The following TNR variants were observed in gnomAD, a reference collection of about 807,000 sequenced individuals.
TNR encodes the protein tenascin R, also known as tenascin-R.
In TNR, 45 loss-of-function variants were observed where a neutral mutation model predicts 150.4. The ratio of observed to expected loss-of-function variants is 0.30; its 90% CI spans 0.24 to 0.38. The LOEUF (loss-of-function observed/expected upper bound fraction) is 0.38, where lower values mean the gene tolerates loss of function less well. TNR is among the 10% of genes least tolerant of loss of function. The probability of loss-of-function intolerance (pLI) is 1.00; values close to 1 mark genes in which losing one functional copy is unlikely to be tolerated. For missense variants in TNR, 1,544 were observed against 1,759.1 expected (o/e 0.88, Z 2.19); for synonymous variants, 687 against 678.4 (o/e 1.01, Z -0.20).
At chr1:175,536,505 A>T (rs775784444) in intron 1 of TNR, among the ~76,000 whole-genome samples, 1 of 152,250 alleles carries the variant, frequency 6.6e-6, no homozygotes, top group Non-Finnish European at 1.5e-5. Flanking sequence ...AACTTGCTCA[A>T]GGTCACTGAA....
rs1211224556 is a variant in TNR, at chr1:175,321,526, A to C, written c.*1831T>G. On this transcript the variant is annotated 3_prime_UTR_variant, in exon 23 of 23. Coordinates refer to ENST00000367674, the MANE Select transcript of TNR (RefSeq NM_003285.3). ...CAGAAAATGGTGCTGGGCCTTGAGG[A>C]ATGGGAGAGGAAAGGGAGAAGACAG... 2 of 152,528 alleles carry C rather than the reference A, an allele frequency of 1.3e-5. No homozygotes were observed. Among genetic ancestry groups the C allele is most frequent in the Non-Finnish European group, 2.9e-5 (2 of 68,174 alleles). The allele number at this position is 152,528 out of a possible 1,614,324, so 9.4% of individuals were successfully genotyped here.
chr1:175,434,311 C>T (rs143231673), intron 2 of TNR, among the ~76,000 whole-genome samples: 22 of 152,204 alleles, frequency 1.4e-4, no homozygotes, highest in Non-Finnish European at 2.5e-4. Context: ...AATTCCTTCC[C>T]TGGGCCTGAT....
chr1:175,406,593 T>A lies in TNR; in HGVS notation c.122A>T (p.Gln41Leu). The A allele has an allele frequency of 6.2e-7, 1 of 1,614,244 alleles. No individual in the cohort carries two copies. Among genetic ancestry groups the A allele is most frequent in the Non-Finnish European group, 8.5e-7 (1 of 1,180,048 alleles). Residue 41 changes from glutamine (Q) to leucine (L), a missense_variant, in exon 3 of 23, where the codon CAG (glutamine) becomes CTG (leucine). This residue lies in a region of TNR where 1,254 missense variants were observed against 1,329.4 expected (regional missense o/e 0.94). Coordinates refer to ENST00000367674, the MANE Select transcript of TNR (RefSeq NM_003285.3). The stretch of plus-strand genomic sequence containing the variant: ...TCCCTCCTCCTCCACTGACTGTCTC[T>A]GGACCCTTTCTGTGGTGACCTCCAG... ...CQLEVTTERVQRQSVEEEGGI... is the reference protein window; with the variant it reads ...CQLEVTTERVLRQSVEEEGGI...
At chr1:175,401,916 C>T (rs1457305537) in intron 4 of TNR, among the ~76,000 whole-genome samples, 4 of 152,340 alleles carry the variant, frequency 2.6e-5, no homozygotes, top group African/African-American at 9.6e-5. Flanking sequence ...TTAATCTGTA[C>T]TGTTTAAAAC....
At chr1:175,585,068 T>C (rs759756231) in intron 1 of TNR, among the ~76,000 whole-genome samples, 2 of 152,234 alleles carry the variant, frequency 1.3e-5, no homozygotes, top group Admixed American at 6.5e-5. Flanking sequence ...GTGTTGATGA[T>C]GTGCAGGCAC....
intron 1 of TNR, among the ~76,000 whole-genome samples, chr1:175,719,498 A>C (rs1395934808): frequency 6.6e-6 from 1 of 152,222 alleles, no homozygotes; most frequent in African/African-American, 2.4e-5. Flanking sequence ...CATCTCCCTC[A>C]GTTTTCCAAT....
intron 1 of TNR, among the ~76,000 whole-genome samples, chr1:175,563,484 T>C (rs950952680): frequency 2.6e-5 from 4 of 152,200 alleles, no homozygotes; most frequent in African/African-American, 9.6e-5. Flanking sequence ...ACACACCAGT[T>C]ACTAGCCTTG....
intron 8 of TNR, among the ~76,000 whole-genome samples, chr1:175,381,063 A>G (rs1370310392): frequency 6.6e-6 from 1 of 152,192 alleles, no homozygotes; most frequent in Admixed American, 6.5e-5. Context: ...TGTTTTCCTG[A>G]GAAATTCTTC....
intron 1 of TNR, among the ~76,000 whole-genome samples, chr1:175,561,418 C>T (rs1249712173): frequency 6.6e-6 from 1 of 152,192 alleles, no homozygotes; most frequent in Non-Finnish European, 1.5e-5. Flanking sequence ...CCAGCCCCAC[C>T]TCCTATGATT....
At chr1:175,400,805 A>T (rs1460451664) in intron 4 of TNR, among the ~76,000 whole-genome samples, 1 of 152,176 alleles carries the variant, frequency 6.6e-6, no homozygotes, top group Non-Finnish European at 1.5e-5. Flanking sequence ...AACGTCAAAC[A>T]GTGGATAAAT....
At chr1:175,554,508 T>C (rs1661072286) in intron 1 of TNR, among the ~76,000 whole-genome samples, 4 of 152,220 alleles carry the variant, frequency 2.6e-5, no homozygotes. Flanking sequence ...TTCTATTTGT[T>C]TGGAAATCAT....
At chr1:175,488,700 G>A (rs900593031) in intron 2 of TNR, among the ~76,000 whole-genome samples, 2 of 152,220 alleles carry the variant, frequency 1.3e-5, no homozygotes, top group Non-Finnish European at 2.9e-5. Context: ...CTATGGGCTA[G>A]TGCACATGTC....
intron 1 of TNR, among the ~76,000 whole-genome samples, chr1:175,553,582 C>T (rs370788716): frequency 6.6e-6 from 1 of 152,214 alleles, no homozygotes; most frequent in East Asian, 1.9e-4. Flanking sequence ...CACTTCTTCC[C>T]TTGTTTCTAA....
chr1:175,529,352 A>G (rs1016579800), intron 1 of TNR, among the ~76,000 whole-genome samples: 2 of 152,230 alleles, frequency 1.3e-5, no homozygotes, highest in African/African-American at 4.8e-5. Flanking sequence ...GAATAAATTA[A>G]CCTTCCCTGG....
At position 175,324,370 on chromosome 1, in the gene TNR, A is replaced by T. The variant is rs1649236567; in HGVS notation, c.3943T>A (p.Ser1315Thr). The change falls in exon 22 of 23, where the codon TCC (serine) becomes ACC (threonine). Residue 1315 changes from serine (S) to threonine (T), a missense_variant. This residue lies in a region of TNR where 290 missense variants were observed against 429.7 expected (regional missense o/e 0.67). Transcript: ENST00000367674. Reference protein sequence around the residue: ...RTNLNGKYGESRHSQGINWYH... With the variant: ...RTNLNGKYGETRHSQGINWYH... Reference sequence around the variant, plus strand: ...GCATCGCTTACCTGACTGTGCCTGGACTCCCCGTACTTCCCATTGAGGTTG... The same window carrying T: ...GCATCGCTTACCTGACTGTGCCTGGTCTCCCCGTACTTCCCATTGAGGTTG... 6 of 1,613,444 alleles carry T rather than the reference A, an allele frequency of 3.7e-6. No individual in the cohort carries two copies. In the East Asian group the frequency reaches 1.1e-4, roughly 30 times the overall value.
chr1:175,511,611 T>C (rs74127318), intron 2 of TNR, among the ~76,000 whole-genome samples: 4,293 of 152,286 alleles, frequency 0.028, 91 homozygotes, highest in African/African-American at 0.057. Context: ...CAAGCACATC[T>C]TGCAGTGAGA....
chr1:175,493,721 G>C lies in TNR; in HGVS notation c.-64+34548C>G, dbSNP rs191077348. ...CCTTTCCTCCTGGGGACACTAAGGT[G>C]GGGGGTAGTGGTCCTGGCCCCAAGC... On this transcript the variant is annotated intron_variant, in intron 2 of 22. Coordinates refer to ENST00000367674, the MANE Select transcript of TNR (RefSeq NM_003285.3). Among the ~76,000 whole-genome samples the C allele has an allele frequency of 3.3e-3, 506 of 152,318 alleles. 2 individuals are homozygous for C. The highest frequency in any genetic ancestry group is 0.012 in the African/African-American group (482 of 41,568).
intron 2 of TNR, among the ~76,000 whole-genome samples, chr1:175,475,785 C>T (rs577516459): frequency 1.2e-4 from 18 of 152,018 alleles, no homozygotes; most frequent in African/African-American, 3.1e-4. Flanking sequence ...AAAAAAAACT[C>T]ATTCTTACCC....
intron 1 of TNR, among the ~76,000 whole-genome samples, chr1:175,689,878 C>T (rs1215841709): frequency 1.3e-5 from 2 of 152,138 alleles, no homozygotes; most frequent in Admixed American, 6.5e-5. Flanking sequence ...CCTCGGTTTC[C>T]GTTACTACCC....
Sources: gnomAD v4.1 joint callset for allele counts (sites outside exome capture counted in the v4.1 genomes callset) on GRCh38, gnomAD v4.1.1 for gene constraint, gnomAD v4.1.1 regional missense constraint, MANE v1.5 for transcripts, NCBI Gene and HGNC (gene_info 2026-07-23, HGNC 2026-07-21) for gene names.